MAST4: variants seen among roughly 807,000 people sequenced by gnomAD.
MAST4 encodes the protein microtubule-associated serine/threonine-protein kinase 4.
A neutral mutation model predicts 162.7 loss-of-function variants in MAST4; 89 were observed. That is an observed-to-expected ratio of 0.55 (90% CI 0.46 to 0.65). The LOEUF (loss-of-function observed/expected upper bound fraction) is 0.65, where lower values mean the gene tolerates loss of function less well. MAST4 is among the 30% of genes least tolerant of loss of function. The pLI, the probability that MAST4 is intolerant of heterozygous loss-of-function variation, is 0.00. For missense variants in MAST4, 3,153 were observed against 3,374.0 expected, an observed-to-expected ratio of 0.93 and a Z score of 1.62; for synonymous variants, 1,479 against 1,361.1, an observed-to-expected ratio of 1.09 and a Z score of -1.91.
chr5:66,710,624 C>T (rs753778681), intron 1 of MAST4, among the ~76,000 whole-genome samples: 1 of 151,946 alleles, frequency 6.6e-6, no homozygotes, highest in Non-Finnish European at 1.5e-5. Context: ...CTTTTTTATT[C>T]ACAAATAGGT....
chr5:67,099,901 C>T (rs999010167), intron 7 of MAST4, among the ~76,000 whole-genome samples: 5 of 152,080 alleles, frequency 3.3e-5, no homozygotes, highest in African/African-American at 9.7e-5. Context: ...GATTTTAAGA[C>T]AGTGGCTTTA....
intron 4 of MAST4, among the ~76,000 whole-genome samples, chr5:66,964,871 T>A (rs568712275): frequency 1.4e-4 from 22 of 152,324 alleles, no homozygotes; most frequent in African/African-American, 5.1e-4. Flanking sequence ...CAACTTAAAT[T>A]TTTTTATGAA....
intron 1 of MAST4, among the ~76,000 whole-genome samples, chr5:66,706,286 A>G (rs965737261): frequency 6.6e-6 from 1 of 152,192 alleles, no homozygotes; most frequent in African/African-American, 2.4e-5. Context: ...GCATTTGATG[A>G]TGGCTGTAAT....
At position 66,751,619 on chromosome 5, in the gene MAST4, A is replaced by C. The variant is rs1257550439; in HGVS notation, c.364-8090A>C. Among the ~76,000 whole-genome samples the C allele has an allele frequency of 8.6e-5, 13 of 151,290 alleles. No individual in the cohort carries two copies. In the South Asian group the frequency reaches 1.9e-3, roughly 22 times the overall value. ...AAAAAGAATAAAAAGAAATGAGCAA[A>C]GCCTCCAAGAAATATGGGACTATGT... On this transcript the variant is annotated intron_variant, in intron 1 of 28. Coordinates refer to ENST00000403625, the MANE Select transcript of MAST4 (RefSeq NM_001164664.2).
chr5:66,687,635 T>TG (rs768016330), intron 1 of MAST4, among the ~76,000 whole-genome samples: 142 of 88,076 alleles, frequency 1.6e-3, no homozygotes, highest in Non-Finnish European at 2.4e-3. Flanking sequence ...TGTGTGTGTG[T>TG]TTATCTATCT....
chr5:66,678,190 G>A (rs985971641), intron 1 of MAST4, among the ~76,000 whole-genome samples: 6 of 151,992 alleles, frequency 3.9e-5, no homozygotes, highest in South Asian at 2.1e-4. Context: ...TCCCTTACTC[G>A]TGGAATCTAA....
chr5:67,019,291 T>C (rs1004413322), intron 4 of MAST4, among the ~76,000 whole-genome samples: 1 of 152,236 alleles, frequency 6.6e-6, no homozygotes, highest in Non-Finnish European at 1.5e-5. Flanking sequence ...TGGTATGCAG[T>C]GGAGATGGGC....
At chr5:67,133,064 A>G (rs1175135862) in intron 16 of MAST4, among the ~76,000 whole-genome samples, 1 of 152,160 alleles carries the variant, frequency 6.6e-6, no homozygotes. Context: ...AGAAATTTAA[A>G]TTAGAGATGG....
At chr5:66,963,275 G>A (rs1242672619) in intron 4 of MAST4, among the ~76,000 whole-genome samples, 1 of 152,190 alleles carries the variant, frequency 6.6e-6, no homozygotes, top group African/African-American at 2.4e-5. Context: ...TTGCAAAAGT[G>A]CTTAAAAACG....
At chr5:67,117,574 T>G (rs1230802830) in intron 12 of MAST4, among the ~76,000 whole-genome samples, 2 of 151,776 alleles carry the variant, frequency 1.3e-5, no homozygotes, top group Non-Finnish European at 2.9e-5. Context: ...TTAAATATAT[T>G]TAGATGCACA....
At chr5:67,068,658 G>A (rs557814988) in intron 5 of MAST4, among the ~76,000 whole-genome samples, 1 of 152,248 alleles carries the variant, frequency 6.6e-6, no homozygotes, top group Admixed American at 6.5e-5. Context: ...AGTGGTGGTG[G>A]GGTGGGAAGA....
At position 66,596,613 on chromosome 5, in the gene MAST4, C is replaced by G. The variant is rs773585469; in HGVS notation, c.-43C>G. On this transcript the variant is annotated 5_prime_UTR_variant, in exon 1 of 29. Transcript: ENST00000403625. ...TCCCCGGGAGGCGCTGAGTGCGCGC[C>G]GCGCCCCCGCCGCTCGGGAGGCACT... The G allele has an allele frequency of 7.2e-7, 1 of 1,390,264 alleles. No homozygotes were observed. Among genetic ancestry groups the G allele is most frequent in the African/African-American group, 1.5e-5 (1 of 66,868 alleles). The allele number at this position is 1,390,264 out of a possible 1,614,324, so 86.1% of individuals were successfully genotyped here.
chr5:66,630,129 A>C (rs1031052402), intron 1 of MAST4, among the ~76,000 whole-genome samples: 9 of 152,198 alleles, frequency 5.9e-5, no homozygotes, highest in Non-Finnish European at 1.3e-4. Flanking sequence ...TAGACCAACC[A>C]AATCAGACTC....
At chr5:66,817,070 C>T (rs1756764918) in intron 3 of MAST4, among the ~76,000 whole-genome samples, 3 of 152,272 alleles carry the variant, frequency 2.0e-5, no homozygotes, top group Admixed American at 1.3e-4. Flanking sequence ...AGTATCTTGT[C>T]CTGGGTCTCC....
intron 4 of MAST4, chr5:66,916,900 C>A: frequency 1.5e-6 from 1 of 689,134 alleles, no homozygotes; most frequent in South Asian, 1.6e-5. Flanking sequence ...TACTCCCTTT[C>A]TCCCCTCCCC....
At position 66,904,343 on chromosome 5, in the gene MAST4, C is replaced by G. The variant is rs190963890; in HGVS notation, c.674+4361C>G. ...GAGAGGCTTCTTTTTTCATGGAATT[C>G]CCTAGAGTGCCTTGATGGTGTTTAT... On this transcript the variant is annotated intron_variant, in intron 4 of 28. Transcript: ENST00000403625. 1.6e-4 allele frequency among the ~76,000 whole-genome samples: 25 copies of G among 152,156 alleles called. No homozygotes were observed. In the East Asian group the frequency reaches 4.1e-3, roughly 25 times the overall value.
At chr5:66,620,579 T>C (rs1744014720) in intron 1 of MAST4, among the ~76,000 whole-genome samples, 1 of 152,164 alleles carries the variant, frequency 6.6e-6, no homozygotes, top group Non-Finnish European at 1.5e-5. Context: ...AATGCTGTAA[T>C]AGAGAAAAAT....
intron 4 of MAST4, among the ~76,000 whole-genome samples, chr5:66,940,543 T>C (rs1414754605): frequency 6.6e-6 from 1 of 152,194 alleles, no homozygotes; most frequent in African/African-American, 2.4e-5. Flanking sequence ...AATAACTTTC[T>C]TTCTCATCCA....
At chr5:67,016,791 A>G (rs1427093689) in intron 4 of MAST4, among the ~76,000 whole-genome samples, 1 of 152,190 alleles carries the variant, frequency 6.6e-6, no homozygotes, top group Non-Finnish European at 1.5e-5. Flanking sequence ...CCCTGTATGT[A>G]TTATAAAATC....
Sources: allele counts gnomAD v4.1 joint callset (sites outside exome capture counted in the v4.1 genomes callset), GRCh38; gene constraint gnomAD v4.1.1; transcripts MANE v1.5; gene names NCBI Gene and HGNC (gene_info 2026-07-23, HGNC 2026-07-21).